The following CDH13 variants were observed in gnomAD, a reference collection of about 807,000 sequenced individuals.
The protein encoded by CDH13 is cadherin-13.
Under a neutral mutation model 63.8 loss-of-function variants are expected in CDH13, and 24 were observed. The observed-to-expected ratio is 0.38, with a 90% CI of 0.27 to 0.53. CDH13 has a LOEUF of 0.53. Ranked by LOEUF, CDH13 falls within the 20% of genes least tolerant of loss-of-function variation. The pLI is 0.85. For missense variants in CDH13, 1,049 were observed against 903.1 expected (o/e 1.16, Z -2.07); for synonymous variants, 503 against 355.3 (o/e 1.42, Z -4.67).
chr16:83,211,817 T>C (rs367894292), intron 4 of CDH13, among the ~76,000 whole-genome samples: 154 of 152,054 alleles, frequency 1.0e-3, no homozygotes, highest in South Asian at 7.9e-3. Context: ...AAGACTCCTG[T>C]GTGCTATTTA....
At chr16:83,302,705 A>G (rs1160232320) in intron 5 of CDH13, among the ~76,000 whole-genome samples, 1 of 152,182 alleles carries the variant, frequency 6.6e-6, no homozygotes. Context: ...AGTCAACAAG[A>G]TTACAAAATA....
chr16:83,683,606 G>C (rs987072122), intron 10 of CDH13, among the ~76,000 whole-genome samples: 3 of 152,122 alleles, frequency 2.0e-5, no homozygotes, highest in Non-Finnish European at 4.4e-5. Context: ...ATACTCATCT[G>C]TTTATTTATT....
intron 2 of CDH13, among the ~76,000 whole-genome samples, chr16:82,870,933 A>G (rs1330264327): frequency 6.6e-6 from 1 of 152,132 alleles, no homozygotes; most frequent in Non-Finnish European, 1.5e-5. Flanking sequence ...TATCTTTCTG[A>G]TATCCAGTAG....
chr16:83,558,247 G>T (rs1033386812), intron 7 of CDH13, among the ~76,000 whole-genome samples: 1 of 152,162 alleles, frequency 6.6e-6, no homozygotes, highest in Non-Finnish European at 1.5e-5. Context: ...TGGGATGTTC[G>T]CAGGTTGTAG....
intron 2 of CDH13, among the ~76,000 whole-genome samples, chr16:82,863,142 A>G (rs2040005304): frequency 6.6e-6 from 1 of 152,204 alleles, no homozygotes; most frequent in Non-Finnish European, 1.5e-5. Flanking sequence ...TGTCGCCTAT[A>G]TCAGAAAGAG....
chr16:83,160,066 ACT>A (rs770891368), intron 4 of CDH13, among the ~76,000 whole-genome samples: 6 of 151,840 alleles, frequency 4.0e-5, no homozygotes, highest in Admixed American at 1.3e-4. Flanking sequence ...ACAGAGCAAG[ACT>A]CTGTCTCAAA....
At chr16:83,626,757 G>C (rs956648453) in intron 8 of CDH13, among the ~76,000 whole-genome samples, 1 of 152,052 alleles carries the variant, frequency 6.6e-6, no homozygotes, top group African/African-American at 2.4e-5. Context: ...ATGACCAAAA[G>C]CAGACTTTGG....
At chr16:83,143,178 G>T (rs558389114) in intron 4 of CDH13, among the ~76,000 whole-genome samples, 1 of 152,074 alleles carries the variant, frequency 6.6e-6, no homozygotes, top group African/African-American at 2.4e-5. Context: ...AGAACGAATG[G>T]TATTAATTTT....
chr16:83,398,289 A>G (rs897470168), intron 6 of CDH13: 4 of 152,150 alleles, frequency 2.6e-5, no homozygotes, highest in African/African-American at 9.7e-5. Flanking sequence ...CTCCCTTTAA[A>G]GGCTCCAGGG....
rs915650522 is a variant in CDH13, at chr16:83,480,923, G to A, written c.782-5554G>A. Among the ~76,000 whole-genome samples the A allele has an allele frequency of 2.0e-5, 3 of 152,334 alleles. No individual in the cohort carries two copies. The South Asian group carries it at 6.2e-4, about 32-fold the overall frequency. On this transcript the variant is annotated intron_variant, in intron 6 of 13. Transcript: ENST00000567109. ...CTAAGCTGCTGCTGGTCTAAGGCTT[G>A]TCTTCTGACACAGGGGCAAACACAC...
intron 6 of CDH13, among the ~76,000 whole-genome samples, chr16:83,438,886 A>G (rs143448031): frequency 6.2e-4 from 95 of 152,366 alleles, no homozygotes; most frequent in African/African-American, 2.2e-3. Flanking sequence ...AAAACCTACA[A>G]TAACTATTGG....
intron 5 of CDH13, among the ~76,000 whole-genome samples, chr16:83,233,306 C>G (rs888032084): frequency 6.6e-6 from 1 of 152,192 alleles, no homozygotes; most frequent in Admixed American, 6.5e-5. Context: ...CCAGTGACGA[C>G]CACGACAATG....
chr16:83,498,919 A>G (rs541116080), intron 7 of CDH13, among the ~76,000 whole-genome samples: 39 of 152,324 alleles, frequency 2.6e-4, no homozygotes, highest in Non-Finnish European at 3.8e-4. Context: ...TTAGGAGGCT[A>G]TGGAGAACAG....
At chr16:83,227,127 A>C (rs952491460) in intron 5 of CDH13, among the ~76,000 whole-genome samples, 1 of 152,210 alleles carries the variant, frequency 6.6e-6, no homozygotes, top group African/African-American at 2.4e-5. Flanking sequence ...ATTGAAAGTG[A>C]AGGCCAGAAG....
Position 83,064,014 on chromosome 16 carries a change from C to T in CDH13, c.366+31796C>T, listed in dbSNP as rs9927052. On this transcript the variant is annotated intron_variant, in intron 3 of 13. Transcript: ENST00000567109. The stretch of plus-strand genomic sequence containing the variant: ...TCCAAGCGGAGATGCCAGAAAAAGT[C>T]AGATGAGTGTATGAGTCTCACATTT... Among the ~76,000 whole-genome samples, 398 of 152,176 alleles carry T rather than the reference C, an allele frequency of 2.6e-3. 4 individuals are homozygous for T. The highest frequency in any genetic ancestry group is 9.0e-3 in the African/African-American group (375 of 41,478).
chr16:83,372,749 TAAAA>T (rs35480546), intron 6 of CDH13, among the ~76,000 whole-genome samples: 13 of 95,574 alleles, frequency 1.4e-4, no homozygotes, highest in East Asian at 6.8e-4. Context: ...AGACTCGGTC[TAAAA>T]AAAAAAAAAA....
At chr16:82,859,574 A>G (rs902803458) in intron 2 of CDH13, 27 of 152,198 alleles carry the variant, frequency 1.8e-4, no homozygotes, top group African/African-American at 6.3e-4. Context: ...GAAAAAAAAA[A>G]AAGAAGAAGA....
intron 1 of CDH13, among the ~76,000 whole-genome samples, chr16:82,679,589 G>A (rs932052000): frequency 9.9e-5 from 15 of 152,136 alleles, no homozygotes; most frequent in African/African-American, 2.7e-4. Flanking sequence ...ACTCACTCAC[G>A]CTCCTGCATC....
rs138752350 is a variant in CDH13 at position 83,731,894 on chromosome 16, C to T, written c.1539-16214C>T. Among the ~76,000 whole-genome samples the T allele has an allele frequency of 1.2e-4, 18 of 152,310 alleles. No individual in the cohort carries two copies. The East Asian group carries it at 2.9e-3, about 24-fold the overall frequency. On this transcript the variant is annotated intron_variant, in intron 10 of 13. Coordinates refer to ENST00000567109, the MANE Select transcript of CDH13 (RefSeq NM_001257.5). ...CAAAGGTTTGTGGAAGATTTAAATG[C>T]TGCATGACAGGTAGCAGGTAGTCGA...
Sources: allele counts gnomAD v4.1 joint callset (sites outside exome capture counted in the v4.1 genomes callset), GRCh38; gene constraint gnomAD v4.1.1; transcripts MANE v1.5; gene names NCBI Gene and HGNC (gene_info 2026-07-23, HGNC 2026-07-21).